The following SMIM21 variants were observed in gnomAD, a reference collection of about 807,000 sequenced individuals.
SMIM21 encodes the protein chromosome 18 open reading frame 62.
SMIM21 carries 8 observed loss-of-function variants against 8.6 expected under a neutral mutation model. The observed-to-expected ratio is 0.93, with a 90% CI of 0.55 to 1.68. SMIM21 has a LOEUF of 1.68. Among genes scored for constraint, SMIM21 ranks in the 40% most tolerant of loss-of-function variants. The pLI, the probability that SMIM21 is intolerant of heterozygous loss-of-function variation, is 0.00. For missense variants in SMIM21, 132 were observed against 123.0 expected, an observed-to-expected ratio of 1.07 and a Z score of -0.35; for synonymous variants, 43 against 41.7, an observed-to-expected ratio of 1.03 and a Z score of -0.12.
chr18:75,427,605 A>G lies in SMIM21; in HGVS notation c.-42T>C. Reference sequence around the variant, plus strand: ...TGACCAGTGAGAGGTCTCCTTGATGACAGCGACTCTGAGGACACAGAGCTG... The same window carrying G: ...TGACCAGTGAGAGGTCTCCTTGATGGCAGCGACTCTGAGGACACAGAGCTG... On this transcript the variant is annotated 5_prime_UTR_variant, in exon 1 of 3. Transcript: ENST00000579022. 2 of 1,545,812 alleles carry G rather than the reference A, an allele frequency of 1.3e-6. No individual in the cohort carries two copies. Among genetic ancestry groups the G allele is most frequent in the South Asian group, 1.2e-5 (1 of 81,200 alleles).
chr18:75,416,581 C>T (rs2024647762), intron 2 of SMIM21: 1 of 152,278 alleles, frequency 6.6e-6, no homozygotes, highest in African/African-American at 2.4e-5. Flanking sequence ...TCCATCTTTT[C>T]TTCCAGTATT....
At chr18:75,413,468 C>T (rs898951091) in intron 2 of SMIM21, among the ~76,000 whole-genome samples, 1 of 152,220 alleles carries the variant, frequency 6.6e-6, no homozygotes, top group African/African-American at 2.4e-5. Flanking sequence ...CTTCGGTAAC[C>T]TCCCATTTTG....
chr18:75,418,773 A>G lies in SMIM21; in HGVS notation c.260+13T>C, dbSNP rs781648123. 1.9e-6 allele frequency: 3 copies of G among 1,598,436 alleles called. No individual in the cohort carries two copies. The highest frequency in any genetic ancestry group is 1.4e-5 in the African/African-American group (1 of 74,006). ...GTATTTTTTTTTAACTGCTAAGGTT[A>G]TCGTTTACCTACTTTCGAAATATGC... On this transcript the variant is annotated intron_variant, in intron 2 of 2. Coordinates refer to ENST00000579022, the MANE Select transcript of SMIM21 (RefSeq NM_001037331.3).
Position 75,421,269 on chromosome 18 carries a change from C to T in SMIM21, c.130-2353G>A, listed in dbSNP as rs527301677. 9.9e-5 allele frequency among the ~76,000 whole-genome samples: 15 copies of T among 152,250 alleles called. No individual in the cohort carries two copies. The East Asian group carries it at 1.2e-3, about 12-fold the overall frequency. On this transcript the variant is annotated intron_variant, in intron 1 of 2. Transcript: ENST00000579022. Reference sequence around the variant, plus strand: ...TGCTTCCTACAGCATTCTGTGTAAACGTTGAACCCCAAGATATTAACAGGT... The same window carrying T: ...TGCTTCCTACAGCATTCTGTGTAAATGTTGAACCCCAAGATATTAACAGGT...
At chr18:75,411,005 A>T (rs1827821524) in intron 2 of SMIM21, 96 bp from the exon 3 acceptor site, 1 of 1,499,284 alleles carries the variant, frequency 6.7e-7, no homozygotes, top group African/African-American at 1.4e-5. Flanking sequence ...TATCTAATGA[A>T]CACATTTTAA....
intron 2 of SMIM21, among the ~76,000 whole-genome samples, chr18:75,412,910 GC>G (rs1367055179): frequency 6.6e-6 from 1 of 151,942 alleles, no homozygotes; most frequent in Non-Finnish European, 1.5e-5. Flanking sequence ...ATTTCCCCTT[GC>G]CTGTATTTTC....
intron 2 of SMIM21, among the ~76,000 whole-genome samples, chr18:75,415,027 T>C (rs1457288785): frequency 1.3e-5 from 2 of 152,108 alleles, no homozygotes; most frequent in African/African-American, 2.4e-5. Context: ...CCCTGGGACT[T>C]TCAGATAGGG....
chr18:75,422,982 C>T (rs2024725391), intron 1 of SMIM21, among the ~76,000 whole-genome samples: 1 of 152,148 alleles, frequency 6.6e-6, no homozygotes, highest in Non-Finnish European at 1.5e-5. Context: ...TATTTAGAAA[C>T]ACTTTGTCCT....
chr18:75,413,996 T>G (rs1355677061), intron 2 of SMIM21, among the ~76,000 whole-genome samples: 3 of 151,954 alleles, frequency 2.0e-5, no homozygotes, highest in Non-Finnish European at 4.4e-5. Flanking sequence ...AAAGAACAAC[T>G]ATTTATTTTG....
intron 2 of SMIM21, among the ~76,000 whole-genome samples, chr18:75,418,455 G>A (rs1206871583): frequency 6.6e-6 from 1 of 152,182 alleles, no homozygotes; most frequent in African/African-American, 2.4e-5. Context: ...TCTCAGAGGC[G>A]ATTAGAGATT....
rs2024724854 is a variant in SMIM21 at position 75,422,931 on chromosome 18, A to T, written c.130-4015T>A. 2.0e-5 allele frequency among the ~76,000 whole-genome samples: 3 copies of T among 152,372 alleles called. No individual in the cohort carries two copies. The South Asian group carries it at 6.2e-4, about 32-fold the overall frequency. On this transcript the variant is annotated intron_variant, in intron 1 of 2. Coordinates refer to ENST00000579022, the MANE Select transcript of SMIM21 (RefSeq NM_001037331.3). ...TTAAAAACCACTGAATTGGACACTT[A>T]AGGCTACATTTTATAGTAAGTAAAT...
chr18:75,411,754 G>T (rs1303756216), intron 2 of SMIM21, among the ~76,000 whole-genome samples: 1 of 152,138 alleles, frequency 6.6e-6, no homozygotes, highest in Non-Finnish European at 1.5e-5. Context: ...TTTAAATAAA[G>T]CACCTATTTT....
intron 1 of SMIM21, 85 bp from the exon 2 acceptor site, chr18:75,419,001 C>T: frequency 1.3e-6 from 1 of 768,390 alleles, no homozygotes; most frequent in Non-Finnish European, 2.1e-6. Context: ...CTTTGTCAAA[C>T]AATTAATTTT....
At chr18:75,414,075 TCACACA>T (rs74180809) in intron 2 of SMIM21, among the ~76,000 whole-genome samples, 1 of 126,036 alleles carries the variant, frequency 7.9e-6, no homozygotes, top group Admixed American at 8.8e-5. Flanking sequence ...TCTCTCTGTC[TCACACA>T]CACACACACA....
At position 75,410,695 on chromosome 18, in the gene SMIM21, A is replaced by G. The variant is rs2024574086; in HGVS notation, c.*169T>C. On this transcript the variant is annotated 3_prime_UTR_variant, in exon 3 of 3. Coordinates refer to ENST00000579022, the MANE Select transcript of SMIM21 (RefSeq NM_001037331.3). ...AGTGCCCCTCAAGAACAAAGCAGAC[A>G]TTATCATTGCAAAAAGTTACACGTT... 3 of 1,429,378 alleles carry G rather than the reference A, an allele frequency of 2.1e-6. No homozygotes were observed. The highest frequency in any genetic ancestry group is 1.4e-5 in the African/African-American group (1 of 69,768). 88.5% of individuals were successfully genotyped at this position (1,429,378 alleles called of 1,614,324 possible).
At chr18:75,423,036 G>A (rs1355326553) in intron 1 of SMIM21, among the ~76,000 whole-genome samples, 1 of 152,176 alleles carries the variant, frequency 6.6e-6, no homozygotes, top group Non-Finnish European at 1.5e-5. Context: ...AAAGACTTGA[G>A]TTCTCACTAA....
rs11660753 is a variant in SMIM21 at position 75,410,643 on chromosome 18, G to A, written c.*221C>T. On this transcript the variant is annotated 3_prime_UTR_variant, in exon 3 of 3. Transcript: ENST00000579022. Reference sequence around the variant, plus strand: ...TGGGTGGCATCTGCAGCTCTCCTCCGGAATATTCCTGAACAGAAAAAGGAA... The same window carrying A: ...TGGGTGGCATCTGCAGCTCTCCTCCAGAATATTCCTGAACAGAAAAAGGAA... The A allele has an allele frequency of 0.31, 400,613 of 1,282,308 alleles. 65,630 individuals carry two copies. The highest frequency in any genetic ancestry group is 0.33 in the Non-Finnish European group (329,820 of 991,182). 79.4% of individuals were successfully genotyped at this position (1,282,308 alleles called of 1,614,324 possible). A position where few individuals can be genotyped will look rare whatever the true frequency, so the allele number is the denominator to read the frequency against.
At chr18:75,413,462 G>A (rs1395656361) in intron 2 of SMIM21, among the ~76,000 whole-genome samples, 2 of 152,098 alleles carry the variant, frequency 1.3e-5, no homozygotes, top group African/African-American at 2.4e-5. Context: ...TGCCTCCTTC[G>A]GTAACCTCCC....
chr18:75,419,678 T>G (rs2144554847), intron 1 of SMIM21, among the ~76,000 whole-genome samples: 2 of 152,298 alleles, frequency 1.3e-5, no homozygotes, highest in South Asian at 4.1e-4. Context: ...AATAAACACA[T>G]AGCAAATTAA....
Sources: gnomAD v4.1 joint callset for allele counts (sites outside exome capture counted in the v4.1 genomes callset) on GRCh38, gnomAD v4.1.1 for gene constraint, MANE v1.5 for transcripts, NCBI Gene and HGNC (gene_info 2026-07-23, HGNC 2026-07-21) for gene names.